Variants in SLC51A observed in about 807,000 individuals in gnomAD.
SLC51A encodes the protein organic solute transporter subunit alpha.
In SLC51A, 22 loss-of-function variants were observed where a neutral mutation model predicts 34.8. The observed-to-expected ratio is 0.63, with a 90% CI of 0.45 to 0.90. The LOEUF (loss-of-function observed/expected upper bound fraction) is 0.90, where lower values mean the gene tolerates loss of function less well. Ranked by LOEUF, SLC51A falls within the 40% of genes least tolerant of loss-of-function variation. SLC51A has a pLI of 0.00. For synonymous variants in SLC51A, 181 were observed against 176.3 expected (o/e 1.03, Z -0.21); for missense variants, 371 against 414.8 (o/e 0.89, Z 0.92).
At chr3:196,230,174 T>G in intron 7 of SLC51A, 113 bp downstream of exon 7, 1 of 1,004,442 alleles carries the variant, frequency 1.0e-6, no homozygotes, top group South Asian at 2.0e-5. Flanking sequence ...TTCATAAGCC[T>G]CACGTCTCTC....
chr3:196,228,669 C>T lies in SLC51A; in HGVS notation c.522-140C>T. On this transcript the variant is annotated intron_variant, in intron 5 of 8. Coordinates refer to ENST00000296327, the MANE Select transcript of SLC51A (RefSeq NM_152672.6). The surrounding 1 kb of genome is among the most constrained non-coding windows in gnomAD (Gnocchi z 4.9). ...AGCACTCTCAACATTCTGCTTTTTT[C>T]CTCTGTCCCCATCCACTTAACCTGG... 7.2e-6 allele frequency: 5 copies of T among 698,734 alleles called. No homozygotes were observed. The highest frequency in any genetic ancestry group is 5.0e-5 in the Admixed American group (2 of 39,968). The allele number at this position is 698,734 out of a possible 1,614,324, so 43.3% of individuals were successfully genotyped here.
chr3:196,216,587 ACT>A lies in SLC51A; in HGVS notation c.-123_-122del, dbSNP rs763786485. ...AGGAGGGAGAGCGGCAGAGGGGAAGACTCTGCAATTCTGCTTGCCCCCCACCC... is the reference window on the plus strand; with the variant it reads ...AGGAGGGAGAGCGGCAGAGGGGAAGACTGCAATTCTGCTTGCCCCCCACCC... On this transcript the variant is annotated 5_prime_UTR_variant, in exon 1 of 9. Coordinates refer to ENST00000296327, the MANE Select transcript of SLC51A (RefSeq NM_152672.6). This position sits in a 1 kb window ranked among gnomAD's most constrained non-coding sequence, Gnocchi z 4.5. 52 of 935,034 alleles carry A rather than the reference ACT, an allele frequency of 5.6e-5. No individual in the cohort carries two copies. The East Asian group carries it at 8.7e-4, about 16-fold the overall frequency. The allele number at this position is 935,034 out of a possible 1,614,324, so 57.9% of individuals were successfully genotyped here.
Position 196,233,070 on chromosome 3 carries a change from T to C in SLC51A, c.894T>C (p.Asn298=). ...YSSKTRSQVM[N]CHLLILETFL... The stretch of plus-strand genomic sequence containing the variant: ...TTTCACCCTACACTGCAGTGATGAA[T>C]TGCCACCTCCTCATACTGGAGACTT... The change falls in exon 9 of 9, where the codon AAT becomes AAC. Residue 298 remains asparagine, a synonymous_variant. Coordinates refer to ENST00000296327, the MANE Select transcript of SLC51A (RefSeq NM_152672.6). 1.2e-6 allele frequency: 2 copies of C among 1,614,124 alleles called. No individual in the cohort carries two copies. The highest frequency in any genetic ancestry group is 8.5e-7 in the Non-Finnish European group (1 of 1,179,972).
intron 2 of SLC51A, among the ~76,000 whole-genome samples, chr3:196,220,528 C>G (rs931993600): frequency 2.0e-5 from 3 of 150,646 alleles, no homozygotes; most frequent in African/African-American, 7.3e-5. Context: ...ACCCGGGAGG[C>G]AGAGGTTGCA....
In SLC51A at chr3:196,216,610, CACCCCGGCCCAGGCAAGCCACCCTG is replaced by C; in HGVS notation, c.-102_-78del. ...AGACTCTGCAATTCTGCTTGCCCCC[CACCCCGGCCCAGGCAAGCCACCCTG>C]CCCCCGGCCCCCACCTGCCCGCCCC... On this transcript the variant is annotated 5_prime_UTR_variant, in exon 1 of 9. Coordinates refer to ENST00000296327, the MANE Select transcript of SLC51A (RefSeq NM_152672.6). The surrounding 1 kb of genome is among the most constrained non-coding windows in gnomAD (Gnocchi z 4.5). The C allele has an allele frequency of 2.6e-6, 3 of 1,148,180 alleles. No homozygotes were observed. Among genetic ancestry groups the C allele is most frequent in the Non-Finnish European group, 3.8e-6 (3 of 786,152 alleles). 71.1% of individuals were successfully genotyped at this position (1,148,180 alleles called of 1,614,324 possible).
At position 196,227,014 on chromosome 3, in the gene SLC51A, G is replaced by A. The variant is rs573819285; in HGVS notation, c.183G>A (p.Ala61=). 33 of 1,614,004 alleles carry A rather than the reference G, an allele frequency of 2.0e-5. No homozygotes were observed. Among genetic ancestry groups the A allele is most frequent in the South Asian group, 1.3e-4 (12 of 91,080 alleles). Residue 61 remains alanine, a synonymous_variant, in exon 3 of 9, where the codon GCG becomes GCA. Transcript: ENST00000296327. ...TCACTAGCATCCTGACCTTGCTGGC[G>A]CTGGGCTCCATTGCCATCTTCCTGG... is the stretch of plus-strand genomic sequence containing the variant. ...LALTSILTLL[A]LGSIAIFLED...
At position 196,228,600 on chromosome 3, in the gene SLC51A, C is replaced by T. The variant is rs1282024303; in HGVS notation, c.522-209C>T. The T allele has an allele frequency of 1.8e-5, 11 of 611,344 alleles. No homozygotes were observed. The highest frequency in any genetic ancestry group is 2.9e-5 in the Non-Finnish European group (10 of 344,862). 37.9% of individuals were successfully genotyped at this position (611,344 alleles called of 1,614,324 possible). ...ACACTCCCAGACCTCGCTCCAAAGA[C>T]GGAATTCTTGTCTGGAGGTGAGTGG... On this transcript the variant is annotated intron_variant, in intron 5 of 8. Coordinates refer to ENST00000296327, the MANE Select transcript of SLC51A (RefSeq NM_152672.6). This position sits in a 1 kb window ranked among gnomAD's most constrained non-coding sequence, Gnocchi z 4.9.
chr3:196,222,005 C>A (rs1182616985), intron 2 of SLC51A, among the ~76,000 whole-genome samples: 3 of 151,852 alleles, frequency 2.0e-5, no homozygotes, highest in African/African-American at 4.8e-5. Flanking sequence ...GGCGTGAGCC[C>A]CCCCGCCCGG....
At chr3:196,217,801 C>A in intron 1 of SLC51A, 41 bp from the exon 2 acceptor site, 1 of 1,586,866 alleles carries the variant, frequency 6.3e-7, no homozygotes. Flanking sequence ...CCCCCTTCCC[C>A]CAGCCCCCAT....
At position 196,223,252 on chromosome 3, in the gene SLC51A, C is replaced by A. The variant is rs1470859782; in HGVS notation, c.134-3713C>A. ...TGAAATGCAGATGATGATAGGAATTCTCATAGGTTATTTCTTTCATTCAAC... is the reference window on the plus strand; with the variant it reads ...TGAAATGCAGATGATGATAGGAATTATCATAGGTTATTTCTTTCATTCAAC... On this transcript the variant is annotated intron_variant, in intron 2 of 8. Transcript: ENST00000296327. Among the ~76,000 whole-genome samples the A allele has an allele frequency of 3.9e-5, 6 of 151,988 alleles. No individual in the cohort carries two copies. The East Asian group carries it at 1.2e-3, about 29-fold the overall frequency.
chr3:196,223,760 A>T, intron 2 of SLC51A: 1 of 327,800 alleles, frequency 3.1e-6, no homozygotes, highest in Non-Finnish European at 5.9e-6. Flanking sequence ...AGAAAGAAAG[A>T]AAATACAGAA....
chr3:196,222,052 A>G (rs544692488), intron 2 of SLC51A, among the ~76,000 whole-genome samples: 1 of 152,112 alleles, frequency 6.6e-6, no homozygotes, highest in South Asian at 2.1e-4. Flanking sequence ...GTCTGACTCC[A>G]GTGCTCTACA....
At position 196,228,136 on chromosome 3, in the gene SLC51A, C is replaced by T; in HGVS notation, c.384C>T (p.Tyr128=). 1 of 1,614,022 alleles carries T rather than the reference C, an allele frequency of 6.2e-7. No individual in the cohort carries two copies. The highest frequency in any genetic ancestry group is 8.5e-7 in the Non-Finnish European group (1 of 1,179,960). ...CCAGGTTTTATGCCGTGTGCTTTTA[C>T]CTGCTGATGCTGGTCATGGTGGAAG... is the stretch of plus-strand genomic sequence containing the variant. ...TITSFYAVCF[Y]LLMLVMVEGF... Residue 128 remains tyrosine (Y), a synonymous_variant, in exon 5 of 9, where the codon TAC becomes TAT. Transcript: ENST00000296327. This position sits in a 1 kb window ranked among gnomAD's most constrained non-coding sequence, Gnocchi z 4.9.
intron 2 of SLC51A, among the ~76,000 whole-genome samples, chr3:196,219,765 C>T (rs1392913873): frequency 6.6e-6 from 1 of 152,204 alleles, no homozygotes; most frequent in Admixed American, 6.5e-5. Flanking sequence ...ATCTCGTGGT[C>T]AGAGGCCAGG....
chr3:196,227,538 C>A, intron 3 of SLC51A, 126 bp from the exon 4 acceptor site: 2 of 790,242 alleles, frequency 2.5e-6, no homozygotes, highest in South Asian at 1.5e-5. Flanking sequence ...CTTTTTCCAG[C>A]TGGCAACGTT....
intron 7 of SLC51A, among the ~76,000 whole-genome samples, chr3:196,231,078 C>T (rs933854099): frequency 1.3e-5 from 2 of 152,174 alleles, no homozygotes; most frequent in Admixed American, 6.5e-5. Flanking sequence ...AGCTACAGGA[C>T]CTACCTACAC....
At chr3:196,224,742 A>C (rs1577346060) in intron 2 of SLC51A, among the ~76,000 whole-genome samples, 1 of 21,110 alleles carries the variant, frequency 4.7e-5, no homozygotes, top group Admixed American at 7.3e-4. Context: ...AGGAGAGGGG[A>C]GAGGGGAGGG....
At position 196,230,065 on chromosome 3, in the gene SLC51A, A is replaced by G; in HGVS notation, c.780+4A>G. 2 of 1,606,652 alleles carry G rather than the reference A, an allele frequency of 1.2e-6. No homozygotes were observed. Among genetic ancestry groups the G allele is most frequent in the African/African-American group, 1.3e-5 (1 of 74,654 alleles). On this transcript the variant is annotated splice_donor_region_variant and intron_variant, in intron 7 of 8. Coordinates refer to ENST00000296327, the MANE Select transcript of SLC51A (RefSeq NM_152672.6). The stretch of plus-strand genomic sequence containing the variant: ...AGCCAAATTTGCTCTGTTCCAGGTA[A>G]CTATACCCTGGGAGAGAAAAGATGT...
chr3:196,231,937 C>A (rs555460423), intron 7 of SLC51A, among the ~76,000 whole-genome samples: 30 of 152,310 alleles, frequency 2.0e-4, no homozygotes, highest in South Asian at 4.1e-4. Flanking sequence ...ACCATTACCA[C>A]CGTCCATCTC....
Sources: gnomAD v4.1 joint callset for allele counts (sites outside exome capture counted in the v4.1 genomes callset) on GRCh38, gnomAD v4.1.1 for gene constraint, Gnocchi (gnomAD v3.1) non-coding constraint, MANE v1.5 for transcripts, NCBI Gene and HGNC (gene_info 2026-07-23, HGNC 2026-07-21) for gene names.